Variants in ARID2 observed in about 807,000 individuals in gnomAD.
ARID2 encodes AT-rich interactive domain-containing protein 2.
In ARID2, 32 loss-of-function variants were observed where a neutral mutation model predicts 184.6. That is an observed-to-expected ratio of 0.17 (90% CI 0.13 to 0.23). The LOEUF (loss-of-function observed/expected upper bound fraction) is 0.23. Among genes scored for constraint, ARID2 ranks in the 10% least tolerant of loss-of-function variants. ARID2 has a pLI of 1.00. For missense variants in ARID2, 1,696 were observed against 2,197.6 expected, an observed-to-expected ratio of 0.77 and a Z score of 4.56; for synonymous variants, 836 against 772.6, an observed-to-expected ratio of 1.08 and a Z score of -1.36.
At chr12:45,782,831 G>A (rs1314879773) in intron 3 of ARID2, among the ~76,000 whole-genome samples, 5 of 151,878 alleles carry the variant, frequency 3.3e-5, no homozygotes, top group African/African-American at 7.3e-5. Context: ...AAAATGGGCC[G>A]GGTGCGGTGG....
chr12:45,839,410 C>T lies in ARID2; in HGVS notation c.1412C>T (p.Pro471Leu), dbSNP rs1943293767. Residue 471 changes from proline (P) to leucine (L), a missense_variant, in exon 11 of 21, where the codon CCA becomes CTA. Physicochemically the swap from Pro to Leu is moderately conservative, Grantham distance 98 (BLOSUM62 -3). This residue lies in a region of ARID2 where 713 missense variants were observed against 824.4 expected (regional missense o/e 0.86). Transcript: ENST00000334344. ...GCTGCGGTAAAACTCATTGAACACCCAAGTTCCAGTCATCAAATGTTATCT... is the reference window on the plus strand; with the variant it reads ...GCTGCGGTAAAACTCATTGAACACCTAAGTTCCAGTCATCAAATGTTATCT... ...ALAAVKLIEH[P>L]SSSHQMLSEI... 1 of 1,613,914 alleles carries T rather than the reference C, an allele frequency of 6.2e-7. No homozygotes were observed. The highest frequency in any genetic ancestry group is 1.3e-5 in the African/African-American group (1 of 74,892).
intron 16 of ARID2, among the ~76,000 whole-genome samples, chr12:45,883,859 C>CAT (rs1418913681): frequency 6.6e-6 from 1 of 152,030 alleles, no homozygotes; most frequent in Non-Finnish European, 1.5e-5. Context: ...ATGCCAGATA[C>CAT]ATAGTAAGTT....
At chr12:45,753,460 GATA>G (rs796404470) in intron 3 of ARID2, among the ~76,000 whole-genome samples, 1 of 152,282 alleles carries the variant, frequency 6.6e-6, no homozygotes, top group South Asian at 2.1e-4. Context: ...GTAAAAAGTA[GATA>G]ATAAAGTGTG....
At chr12:45,860,665 C>A (rs147623409) in intron 15 of ARID2, 136 bp from the exon 16 acceptor site, 70 of 743,210 alleles carry the variant, frequency 9.4e-5, no homozygotes, top group Admixed American at 4.4e-5. Context: ...TAAAGGTAAT[C>A]ATAAGCTTAA....
chr12:45,785,130 C>A (rs1055398071), intron 3 of ARID2, among the ~76,000 whole-genome samples: 3 of 152,170 alleles, frequency 2.0e-5, no homozygotes, highest in African/African-American at 7.2e-5. Flanking sequence ...TTCTTATATT[C>A]TCTTGCCAGA....
rs568327003 is a variant in ARID2, at chr12:45,796,931, A to G, written c.285-14487A>G. 3.0e-3 allele frequency among the ~76,000 whole-genome samples: 457 copies of G among 152,324 alleles called. 3 individuals carry two copies. The highest frequency in any genetic ancestry group is 4.8e-3 in the Non-Finnish European group (328 of 68,024). ...TATCCTTCAGAACCGATATAACACTATGTATTTCTACTCTCTGTATGAGTT... is the reference window on the plus strand; with the variant it reads ...TATCCTTCAGAACCGATATAACACTGTGTATTTCTACTCTCTGTATGAGTT... On this transcript the variant is annotated intron_variant, in intron 3 of 20. Coordinates refer to ENST00000334344, the MANE Select transcript of ARID2 (RefSeq NM_152641.4).
chr12:45,798,713 A>T (rs1230941459), intron 3 of ARID2, among the ~76,000 whole-genome samples: 1 of 149,702 alleles, frequency 6.7e-6, no homozygotes, highest in Non-Finnish European at 1.5e-5. Context: ...CCTTCTTCTC[A>T]TACAAACATT....
chr12:45,813,405 G>A (rs1394366648), intron 4 of ARID2, among the ~76,000 whole-genome samples: 2 of 149,530 alleles, frequency 1.3e-5, no homozygotes, highest in East Asian at 3.9e-4. Context: ...TTCTTTTAAT[G>A]TGTTATTAAG....
At chr12:45,821,527 A>G (rs1043489877) in intron 6 of ARID2, 40 bp downstream of exon 6, 1 of 1,334,068 alleles carries the variant, frequency 7.5e-7, no homozygotes, top group Non-Finnish European at 1.0e-6. Flanking sequence ...ATTGAGTTAC[A>G]TGCAGCTAAG....
In ARID2 at chr12:45,906,551, T is replaced by C. The variant is rs1280444403; in HGVS notation, c.*1473T>C. On this transcript the variant is annotated 3_prime_UTR_variant, in exon 21 of 21. Transcript: ENST00000334344. ...AAAGACTGAACATTTTCTTGAGTCC[T>C]TCATTTCTGAGTATGCTTAAGACAT... is the stretch of plus-strand genomic sequence containing the variant. The C allele has an allele frequency of 1.3e-5, 3 of 232,658 alleles. No homozygotes were observed. The highest frequency in any genetic ancestry group is 2.6e-5 in the Non-Finnish European group (3 of 117,556). The allele number at this position is 232,658 out of a possible 1,614,324, so 14.4% of individuals were successfully genotyped here.
At chr12:45,758,558 A>C (rs543687481) in intron 3 of ARID2, among the ~76,000 whole-genome samples, 9 of 152,316 alleles carry the variant, frequency 5.9e-5, no homozygotes, top group Admixed American at 4.6e-4. Context: ...TAGCTGCCCC[A>C]AAAATTAAGT....
chr12:45,743,794 C>G (rs373258768), intron 3 of ARID2, among the ~76,000 whole-genome samples: 1 of 152,130 alleles, frequency 6.6e-6, no homozygotes, highest in Admixed American at 6.5e-5. Context: ...TTGTGTCATT[C>G]AGAGCCTAAA....
intron 3 of ARID2, among the ~76,000 whole-genome samples, chr12:45,780,280 A>C (rs1252123047): frequency 2.6e-5 from 4 of 152,190 alleles, no homozygotes; most frequent in Non-Finnish European, 5.9e-5. Flanking sequence ...AATAACCATA[A>C]ACAAGTGTTT....
intron 3 of ARID2, among the ~76,000 whole-genome samples, chr12:45,750,542 A>T (rs1482482112): frequency 6.6e-6 from 1 of 152,198 alleles, no homozygotes; most frequent in East Asian, 1.9e-4. Flanking sequence ...TAATATCTGG[A>T]AAGCACAATA....
At chr12:45,747,420 A>G (rs1357591185) in intron 3 of ARID2, among the ~76,000 whole-genome samples, 1 of 152,078 alleles carries the variant, frequency 6.6e-6, no homozygotes, top group East Asian at 1.9e-4. Flanking sequence ...TAGTTTTGTG[A>G]GTTATAGTGT....
intron 3 of ARID2, among the ~76,000 whole-genome samples, chr12:45,757,802 CTT>C (rs1249581453): frequency 6.6e-6 from 1 of 152,164 alleles, no homozygotes; most frequent in Non-Finnish European, 1.5e-5. Flanking sequence ...ATTCTTCACA[CTT>C]TTGTCATGTG....
intron 16 of ARID2, among the ~76,000 whole-genome samples, chr12:45,884,870 T>C (rs2138222228): frequency 6.6e-6 from 1 of 152,244 alleles, no homozygotes; most frequent in East Asian, 1.9e-4. Flanking sequence ...CACTAGTCAA[T>C]CAGTTGTTCC....
chr12:45,816,800 A>C (rs1942812203), intron 4 of ARID2, among the ~76,000 whole-genome samples: 1 of 152,180 alleles, frequency 6.6e-6, no homozygotes, highest in East Asian at 1.9e-4. Context: ...ACAACAAAAG[A>C]CTATATTGTG....
chr12:45,851,045 A>T lies in ARID2; in HGVS notation c.2922A>T (p.Pro974=), dbSNP rs774795179. Residue 974 remains proline, a synonymous_variant, in exon 15 of 21, where the codon CCA becomes CCT. Coordinates refer to ENST00000334344, the MANE Select transcript of ARID2 (RefSeq NM_152641.4). ...CTAACATAACTCCATCTTCTTCACCATCACCTGTCCCAGCTACTAATAACC... is the reference window on the plus strand; with the variant it reads ...CTAACATAACTCCATCTTCTTCACCTTCACCTGTCCCAGCTACTAATAACC... ...GQPNITPSSS[P]SPVPATNNQV... The T allele has an allele frequency of 6.2e-7, 1 of 1,614,042 alleles. No individual in the cohort carries two copies.
Sources: gnomAD v4.1 joint callset for allele counts (sites outside exome capture counted in the v4.1 genomes callset) on GRCh38, gnomAD v4.1.1 for gene constraint, gnomAD v4.1.1 regional missense constraint, MANE v1.5 for transcripts, NCBI Gene and HGNC (gene_info 2026-07-23, HGNC 2026-07-21) for gene names.